Variants in CEP126 observed in about 807,000 individuals in gnomAD.
The protein encoded by CEP126 is centrosomal protein 126, also known as centrosomal protein of 126 kDa.
Under a neutral mutation model 107.8 loss-of-function variants are expected in CEP126, and 74 were observed. The ratio of observed to expected loss-of-function variants is 0.69; its 90% CI spans 0.57 to 0.83. CEP126 has a LOEUF of 0.83. Among genes scored for constraint, CEP126 ranks in the 40% least tolerant of loss-of-function variants. CEP126 has a pLI of 0.00. For synonymous variants in CEP126, 449 were observed against 446.0 expected, an observed-to-expected ratio of 1.01 and a Z score of -0.08; for missense variants, 1,237 against 1,281.9, an observed-to-expected ratio of 0.96 and a Z score of 0.53.
chr11:101,937,622 C>G (rs1940601067), intron 2 of CEP126, among the ~76,000 whole-genome samples: 1 of 152,090 alleles, frequency 6.6e-6, no homozygotes, highest in Non-Finnish European at 1.5e-5. Context: ...GTTTTGGAAT[C>G]ATAGTTATGC....
At chr11:101,997,405 A>G (rs1231670668) in intron 10 of CEP126, among the ~76,000 whole-genome samples, 194 bp from the exon 11 acceptor site, 2 of 152,238 alleles carry the variant, frequency 1.3e-5, no homozygotes, top group Non-Finnish European at 2.9e-5. Context: ...CTTTTAGAGT[A>G]GAAAGGTACT....
intron 4 of CEP126, among the ~76,000 whole-genome samples, chr11:101,948,474 T>C (rs898731112): frequency 5.3e-5 from 8 of 152,192 alleles, no homozygotes; most frequent in African/African-American, 1.7e-4. Context: ...AAAATTATGT[T>C]GAATTGTAAT....
At chr11:101,932,412 T>C (rs1420521406) in intron 2 of CEP126, among the ~76,000 whole-genome samples, 1 of 152,164 alleles carries the variant, frequency 6.6e-6, no homozygotes, top group African/African-American at 2.4e-5. Flanking sequence ...TCTGTATACA[T>C]TTTAGCCCAG....
intron 4 of CEP126, chr11:101,956,691 C>G (rs1413375538): frequency 2.2e-6 from 1 of 456,090 alleles, no homozygotes; most frequent in Non-Finnish European, 4.4e-6. Context: ...CATTCATCTT[C>G]CTCTCCAGGT....
chr11:101,961,319 C>G (rs1014036470), intron 5 of CEP126, among the ~76,000 whole-genome samples: 1 of 151,996 alleles, frequency 6.6e-6, no homozygotes, highest in Non-Finnish European at 1.5e-5. Context: ...ACATTAGGAT[C>G]ACAGAGCTTT....
intron 8 of CEP126, among the ~76,000 whole-genome samples, chr11:101,983,638 G>C (rs1444316589): frequency 1.3e-5 from 2 of 152,198 alleles, no homozygotes; most frequent in Non-Finnish European, 2.9e-5. Flanking sequence ...TCATTGAAGA[G>C]TTTGCCAAGG....
chr11:101,956,608 C>T, intron 4 of CEP126: 1 of 456,216 alleles, frequency 2.2e-6, no homozygotes, highest in Non-Finnish European at 4.4e-6. Flanking sequence ...CTATTCTTTC[C>T]TCTTCTTCGA....
chr11:101,962,687 C>G lies in CEP126; in HGVS notation c.1652C>G (p.Ser551Cys), dbSNP rs1160004415. ...ACATCATCCTTGTCTAATGTAACTT[C>G]TAATTATGACTTTGTTGGCCAGCAT... ...AETSSLSNVT[S>C]NYDFVGQHKK... The change falls in exon 6 of 11, where the codon TCT (serine) becomes TGT (cysteine). Residue 551 changes from serine (S) to cysteine (C), a missense_variant. Ser to Cys is a moderately radical substitution (Grantham distance 112, BLOSUM62 -1). Transcript: ENST00000263468. 12 of 1,613,064 alleles carry G rather than the reference C, an allele frequency of 7.4e-6. No homozygotes were observed. Among genetic ancestry groups the G allele is most frequent in the Non-Finnish European group, 1.0e-5 (12 of 1,179,640 alleles).
At chr11:101,934,983 T>G (rs1486357094) in intron 2 of CEP126, among the ~76,000 whole-genome samples, 1 of 152,078 alleles carries the variant, frequency 6.6e-6, no homozygotes, top group Non-Finnish European at 1.5e-5. Context: ...CAAACAGTTT[T>G]CCAAAAGGGC....
At chr11:101,925,856 C>T (rs1331191909) in intron 2 of CEP126, among the ~76,000 whole-genome samples, 6 of 146,822 alleles carry the variant, frequency 4.1e-5, no homozygotes, top group East Asian at 2.1e-4. Context: ...GGTTTCGCCA[C>T]GTTGGCCAGG....
rs1317444223 is a variant in CEP126 at position 101,948,106 on chromosome 11, A to G, written c.470A>G (p.Asn157Ser). 1.1e-5 allele frequency: 17 copies of G among 1,610,974 alleles called. No homozygotes were observed. Among genetic ancestry groups the G allele is most frequent in the Non-Finnish European group, 1.4e-5 (17 of 1,177,808 alleles). ...IQESNLKSEV[N>S]LPFSRRPTIN... ...GAATCCAACTTAAAATCAGAAGTAAACCTTCCCTTTTCCCGTAGACCAACA... is the reference window on the plus strand; with the variant it reads ...GAATCCAACTTAAAATCAGAAGTAAGCCTTCCCTTTTCCCGTAGACCAACA... The change falls in exon 4 of 11, where the codon AAC (asparagine) becomes AGC (serine). Residue 157 changes from asparagine (N) to serine (S), a missense_variant. This residue lies in a region of CEP126 where 1,134 missense variants were observed against 1,150.5 expected (regional missense o/e 0.99). Coordinates refer to ENST00000263468, the MANE Select transcript of CEP126 (RefSeq NM_020802.4).
Position 101,968,007 on chromosome 11 carries a change from T to C in CEP126, c.2845+4127T>C, listed in dbSNP as rs188521032. ...AATTATATTTGTACAATATATGTTC[T>C]TTACTATGCTAAAAATATTTTTAAA... On this transcript the variant is annotated intron_variant, in intron 6 of 10. Transcript: ENST00000263468. Among the ~76,000 whole-genome samples the C allele has an allele frequency of 2.0e-4, 30 of 152,336 alleles. No individual in the cohort carries two copies. The East Asian group carries it at 4.4e-3, about 22-fold the overall frequency.
intron 2 of CEP126, among the ~76,000 whole-genome samples, chr11:101,935,050 C>A (rs1940556141): frequency 6.6e-6 from 1 of 151,978 alleles, no homozygotes; most frequent in African/African-American, 2.4e-5. Context: ...GGCTTTATAA[C>A]CTTCCCAGTC....
intron 4 of CEP126, chr11:101,956,541 C>G: frequency 2.2e-6 from 1 of 456,480 alleles, no homozygotes; most frequent in Non-Finnish European, 4.4e-6. Context: ...TTGCCTTCAT[C>G]TCCTTCTACT....
intron 8 of CEP126, among the ~76,000 whole-genome samples, chr11:101,982,876 T>C (rs754976853): frequency 6.6e-6 from 1 of 152,190 alleles, no homozygotes; most frequent in Non-Finnish European, 1.5e-5. Context: ...CTTCATATGA[T>C]GGGTCACAGC....
At chr11:101,978,486 T>G in intron 7 of CEP126, 27 bp downstream of exon 7, 16 of 1,417,294 alleles carry the variant, frequency 1.1e-5, no homozygotes, top group Non-Finnish European at 1.5e-5. Flanking sequence ...TCAAAATCTC[T>G]ATTCAATATT....
intron 2 of CEP126, among the ~76,000 whole-genome samples, chr11:101,932,842 TTGCCTCACTAAATAATAAATACC>T (rs1321994022): frequency 2.6e-5 from 4 of 152,196 alleles, no homozygotes; most frequent in Non-Finnish European, 5.9e-5. Flanking sequence ...TTTTGTTAGC[TTGCCTCACTAAATAATAAATACC>T]TGCCTGAACC....
At chr11:101,927,605 C>T (rs968559400) in intron 2 of CEP126, among the ~76,000 whole-genome samples, 1 of 152,146 alleles carries the variant, frequency 6.6e-6, no homozygotes, top group Non-Finnish European at 1.5e-5. Flanking sequence ...TGATGTTCTC[C>T]ATTTCTACAG....
At chr11:101,975,440 G>A (rs1458563813) in intron 6 of CEP126, among the ~76,000 whole-genome samples, 1 of 152,110 alleles carries the variant, frequency 6.6e-6, no homozygotes, top group African/African-American at 2.4e-5. Context: ...AAAATTACTA[G>A]CATATGTGTA....
Sources: allele counts gnomAD v4.1 joint callset (sites outside exome capture counted in the v4.1 genomes callset), GRCh38; gene constraint gnomAD v4.1.1; regional missense constraint gnomAD v4.1.1; transcripts MANE v1.5; gene names NCBI Gene and HGNC (gene_info 2026-07-23, HGNC 2026-07-21).